Variants in RPL34 observed in about 807,000 individuals in gnomAD.
The protein encoded by RPL34 is ribosomal protein L34.
RPL34 carries 2 observed loss-of-function variants against 16.3 expected under a neutral mutation model. The ratio of observed to expected loss-of-function variants is 0.12; its 90% CI spans 0.05 to 0.39. RPL34 has a LOEUF of 0.39. Ranked by LOEUF, RPL34 falls within the 10% of genes least tolerant of loss-of-function variation. The probability of loss-of-function intolerance (pLI) is 0.99; values close to 1 mark genes in which losing one functional copy is unlikely to be tolerated. For synonymous variants in RPL34, 47 were observed against 48.5 expected (o/e 0.97, Z 0.13); for missense variants, 82 against 148.8 (o/e 0.55, Z 2.33).
At chr4:108,628,903 A>G (rs990639646), downstream of RPL34, among the ~76,000 whole-genome samples, 4 of 152,030 alleles carry the variant, frequency 2.6e-5, no homozygotes, top group Admixed American at 1.3e-4. Flanking sequence ...GCTTACTGCA[A>G]CCTCCACCTC....
At chr4:108,625,098 A>C in intron 4 of RPL34, 30 bp from the exon 5 acceptor site, 1 of 1,473,026 alleles carries the variant, frequency 6.8e-7, no homozygotes, top group Non-Finnish European at 9.4e-7. Context: ...CATTTTAAAG[A>C]AATGATTAAT....
intron 4 of RPL34, among the ~76,000 whole-genome samples, chr4:108,623,837 A>G (rs772145215): frequency 6.6e-6 from 1 of 152,230 alleles, no homozygotes; most frequent in African/African-American, 2.4e-5. Flanking sequence ...AGCTTCTGTG[A>G]TACACAGCAA....
downstream of RPL34, among the ~76,000 whole-genome samples, chr4:108,626,511 C>T (rs926656116): frequency 1.6e-4 from 23 of 144,832 alleles, no homozygotes; most frequent in African/African-American, 5.4e-4. Flanking sequence ...CGTACTGGCT[C>T]GATTTCGGCT....
downstream of RPL34, among the ~76,000 whole-genome samples, chr4:108,627,659 C>A (rs1454993753): frequency 1.3e-5 from 2 of 151,970 alleles, no homozygotes; most frequent in South Asian, 4.2e-4. Context: ...GTCAGGAGTT[C>A]GAGACCAGCC....
At chr4:108,622,261 A>G in intron 3 of RPL34, 57 bp downstream of exon 3, 3 of 1,249,642 alleles carry the variant, frequency 2.4e-6, no homozygotes, top group Middle Eastern at 1.9e-4. Flanking sequence ...CTGAGCTTTC[A>G]TCCCTTGACG....
chr4:108,625,345 A>G lies in RPL34; in HGVS notation c.*133A>G, dbSNP rs1387711126. On this transcript the variant is annotated 3_prime_UTR_variant, in exon 5 of 5. Transcript: ENST00000394667. ...TTGGGGACCCTATAGTTTTTAGCAGATTACTTTTTCTTGTTTTGTTTGTTG... is the reference window on the plus strand; with the variant it reads ...TTGGGGACCCTATAGTTTTTAGCAGGTTACTTTTTCTTGTTTTGTTTGTTG... The G allele has an allele frequency of 3.7e-6, 2 of 540,604 alleles. No homozygotes were observed. The highest frequency in any genetic ancestry group is 6.6e-6 in the Non-Finnish European group (2 of 302,416). 33.5% of individuals were successfully genotyped at this position (540,604 alleles called of 1,614,324 possible).
chr4:108,626,390 A>T (rs56375323), downstream of RPL34, among the ~76,000 whole-genome samples: 1 of 150,906 alleles, frequency 6.6e-6, no homozygotes, highest in African/African-American at 2.4e-5. Flanking sequence ...TCAGCCTCCC[A>T]GCGTGCCAGG....
At chr4:108,625,710 A>G (rs1318642562), downstream of RPL34, among the ~76,000 whole-genome samples, 3 of 152,144 alleles carry the variant, frequency 2.0e-5, no homozygotes, top group Non-Finnish European at 4.4e-5. Context: ...CTGAAGAAAC[A>G]GTTGGTGGTC....
chr4:108,629,060 C>T (rs957522017), downstream of RPL34, among the ~76,000 whole-genome samples: 2 of 152,110 alleles, frequency 1.3e-5, no homozygotes, highest in African/African-American at 4.8e-5. Context: ...TCAGAATGTC[C>T]GCCCGCCTCG....
At position 108,620,613 on chromosome 4, in the gene RPL34, T is replaced by C. The variant is rs1026446943; in HGVS notation, c.-10+13T>C. The C allele has an allele frequency of 1.7e-5, 5 of 295,046 alleles. No homozygotes were observed. The highest frequency in any genetic ancestry group is 8.9e-5 in the East Asian group (1 of 11,244). The allele number at this position is 295,046 out of a possible 1,614,324, so 18.3% of individuals were successfully genotyped here. ...ACGTTGTCTGCAGGTATGGATGTTG[T>C]TCTCTTTTCCCTGTCTTTATTTCCT... On this transcript the variant is annotated intron_variant, in intron 1 of 4. Transcript: ENST00000394667.
downstream of RPL34, among the ~76,000 whole-genome samples, chr4:108,629,485 G>T (rs62314862): frequency 0.36 from 55,397 of 152,022 alleles, 10,363 homozygotes; most frequent in East Asian, 0.57. Flanking sequence ...GAGCATTGAC[G>T]GGTGTGAACA....
chr4:108,626,447 C>CTTTTTTT (rs34343318), downstream of RPL34, among the ~76,000 whole-genome samples: 2 of 117,078 alleles, frequency 1.7e-5, no homozygotes, highest in Admixed American at 1.0e-4. Flanking sequence ...GGCTGACAAC[C>CTTTTTTT]TTTTTTTTTT....
chr4:108,620,649 C>T (rs933695333), intron 1 of RPL34, 49 bp downstream of exon 1: 4 of 257,254 alleles, frequency 1.6e-5, no homozygotes, highest in Middle Eastern at 1.5e-3. Context: ...TACCAATCGG[C>T]TGCCATCCGA....
chr4:108,622,684 C>T (rs1319032250), intron 4 of RPL34, 66 bp downstream of exon 4: 1 of 1,017,970 alleles, frequency 9.8e-7, no homozygotes, highest in Admixed American at 2.3e-5. Context: ...GTCTGCTGAT[C>T]AGTACAATGG....
At chr4:108,626,948 A>T (rs983559308), downstream of RPL34, among the ~76,000 whole-genome samples, 6 of 152,030 alleles carry the variant, frequency 3.9e-5, no homozygotes, top group Non-Finnish European at 8.8e-5. Context: ...ACATAAGAAC[A>T]TGCTTTTCTG....
chr4:108,621,887 C>A, intron 1 of RPL34, 64 bp from the exon 2 acceptor site: 1 of 1,068,218 alleles, frequency 9.4e-7, no homozygotes, highest in Non-Finnish European at 1.5e-6. Context: ...CCACATGATA[C>A]TGTTTTGAGA....
intron 3 of RPL34, 26 bp from the exon 4 acceptor site, chr4:108,622,489 A>G: frequency 1.1e-5 from 18 of 1,566,464 alleles, no homozygotes; most frequent in East Asian, 2.2e-5. Flanking sequence ...AAGCATCACA[A>G]AAATCTTAAT....
chr4:108,626,102 A>G (rs1725991978), downstream of RPL34, among the ~76,000 whole-genome samples: 1 of 152,218 alleles, frequency 6.6e-6, no homozygotes, highest in Admixed American at 6.5e-5. Context: ...TATCCAGGCC[A>G]GAATGTTAAA....
chr4:108,626,135 G>GA (rs1725992618), downstream of RPL34, among the ~76,000 whole-genome samples: 1 of 152,028 alleles, frequency 6.6e-6, no homozygotes, highest in Admixed American at 6.6e-5. Flanking sequence ...TTTTTCTTGG[G>GA]AACTATGTAG....
Sources: allele counts gnomAD v4.1 joint callset (sites outside exome capture counted in the v4.1 genomes callset), GRCh38; gene constraint gnomAD v4.1.1; transcripts MANE v1.5; gene names NCBI Gene and HGNC (gene_info 2026-07-23, HGNC 2026-07-21).